Variants in RGS7 observed in about 807,000 individuals in gnomAD.
RGS7 encodes the protein regulator of G protein signaling 7, also known as regulator of G-protein signaling 7.
In RGS7, 27 loss-of-function variants were observed where a neutral mutation model predicts 81.1. The observed-to-expected ratio is 0.33, with a 90% confidence interval of 0.25 to 0.46. The LOEUF (loss-of-function observed/expected upper bound fraction) is 0.46. Among genes scored for constraint, RGS7 ranks in the 20% least tolerant of loss-of-function variants. RGS7 has a pLI of 1.00. For synonymous variants in RGS7, 208 were observed against 207.7 expected (o/e 1.00, Z -0.01); for missense variants, 396 against 607.4 (o/e 0.65, Z 3.66).
intron 3 of RGS7, among the ~76,000 whole-genome samples, chr1:241,040,797 CT>C (rs1280818169): frequency 6.6e-6 from 1 of 152,034 alleles, no homozygotes; most frequent in African/African-American, 2.4e-5. Context: ...GGCTTCTTTA[CT>C]TAAAAACAAA....
intron 2 of RGS7, among the ~76,000 whole-genome samples, chr1:241,205,907 A>G (rs781066970): frequency 1.3e-5 from 2 of 152,200 alleles, no homozygotes; most frequent in Non-Finnish European, 2.9e-5. Context: ...AGACCTATGG[A>G]GAGGTACAAG....
intron 15 of RGS7, among the ~76,000 whole-genome samples, chr1:240,803,994 A>G (rs1187334475): frequency 3.3e-5 from 5 of 152,166 alleles, no homozygotes; most frequent in Non-Finnish European, 7.4e-5. Flanking sequence ...ACTTAGCCCA[A>G]TGGTGATCTT....
At chr1:241,308,041 A>G (rs962880364) in intron 2 of RGS7, among the ~76,000 whole-genome samples, 2 of 152,208 alleles carry the variant, frequency 1.3e-5, no homozygotes, top group African/African-American at 2.4e-5. Context: ...GGATGCAAAC[A>G]GCCTTACCAA....
At chr1:241,090,120 G>T (rs902171696) in intron 3 of RGS7, among the ~76,000 whole-genome samples, 7 of 151,898 alleles carry the variant, frequency 4.6e-5, no homozygotes, top group Non-Finnish European at 1.0e-4. Context: ...TTTGCAATTT[G>T]AAAATAGTAG....
intron 2 of RGS7, among the ~76,000 whole-genome samples, chr1:241,159,454 C>G (rs1488205048): frequency 2.0e-5 from 3 of 152,134 alleles, no homozygotes; most frequent in Non-Finnish European, 2.9e-5. Flanking sequence ...AATGTAGGAA[C>G]TTTCCAAATT....
At chr1:241,126,685 G>GC (rs1314406920) in intron 2 of RGS7, among the ~76,000 whole-genome samples, 1 of 152,118 alleles carries the variant, frequency 6.6e-6, no homozygotes, top group African/African-American at 2.4e-5. Flanking sequence ...CCTACCTCCA[G>GC]CCCCCCATAC....
chr1:241,095,283 C>T (rs966579320), intron 3 of RGS7, among the ~76,000 whole-genome samples: 2 of 152,134 alleles, frequency 1.3e-5, no homozygotes, highest in African/African-American at 4.8e-5. Flanking sequence ...GGTCCAGATA[C>T]TATATTTTCT....
intron 2 of RGS7, among the ~76,000 whole-genome samples, chr1:241,158,150 T>C (rs1355252909): frequency 6.6e-6 from 1 of 152,188 alleles, no homozygotes; most frequent in East Asian, 1.9e-4. Flanking sequence ...GACACAGCCA[T>C]GCTAATTCAT....
chr1:240,937,178 A>G (rs564560128), intron 4 of RGS7, among the ~76,000 whole-genome samples: 3 of 152,268 alleles, frequency 2.0e-5, no homozygotes, highest in South Asian at 4.1e-4. Context: ...ACTCCAGCCA[A>G]TGGGGACAGG....
intron 3 of RGS7, among the ~76,000 whole-genome samples, chr1:241,016,235 C>G (rs1241351533): frequency 6.6e-6 from 1 of 152,094 alleles, no homozygotes; most frequent in Admixed American, 6.6e-5. Context: ...CATAAAAACT[C>G]ATGTCTGGGT....
intron 3 of RGS7, among the ~76,000 whole-genome samples, chr1:241,084,179 GTTAA>G: frequency 6.6e-6 from 1 of 152,262 alleles, no homozygotes; most frequent in East Asian, 1.9e-4. Context: ...TTAAGCCTAC[GTTAA>G]TTAATCATCT....
intron 3 of RGS7, among the ~76,000 whole-genome samples, chr1:241,041,945 T>C (rs1393743379): frequency 1.3e-5 from 2 of 152,122 alleles, no homozygotes; most frequent in Non-Finnish European, 2.9e-5. Flanking sequence ...TAGAGCATCG[T>C]GGGCTGGCTG....
At chr1:240,939,780 T>G (rs1677258781) in intron 4 of RGS7, among the ~76,000 whole-genome samples, 1 of 151,972 alleles carries the variant, frequency 6.6e-6, no homozygotes, top group African/African-American at 2.4e-5. Context: ...GCAATGAACC[T>G]GAATAAAGGG....
chr1:241,009,764 G>T (rs1158209177), intron 3 of RGS7, among the ~76,000 whole-genome samples: 1 of 152,194 alleles, frequency 6.6e-6, no homozygotes, highest in Non-Finnish European at 1.5e-5. Context: ...CAAATTGTTG[G>T]AAGGAGAGTC....
chr1:240,933,186 T>A (rs1675994465), intron 5 of RGS7, among the ~76,000 whole-genome samples: 2 of 151,732 alleles, frequency 1.3e-5, no homozygotes, highest in Admixed American at 1.3e-4. Context: ...CCGGCCGGTG[T>A]TACTTTCTGA....
intron 3 of RGS7, among the ~76,000 whole-genome samples, chr1:241,036,057 A>G (rs1375996538): frequency 6.6e-6 from 1 of 152,214 alleles, no homozygotes; most frequent in Non-Finnish European, 1.5e-5. Flanking sequence ...ACTCCTTACT[A>G]CTAATTGCTC....
intron 6 of RGS7, among the ~76,000 whole-genome samples, chr1:240,883,102 T>C (rs547989122): frequency 4.7e-5 from 7 of 148,940 alleles, no homozygotes; most frequent in African/African-American, 1.5e-4. Flanking sequence ...TAGTATTCCA[T>C]GGTGTGTATG....
intron 2 of RGS7, among the ~76,000 whole-genome samples, chr1:241,323,704 C>T (rs373593717): frequency 6.6e-6 from 1 of 152,166 alleles, no homozygotes; most frequent in African/African-American, 2.4e-5. Context: ...AGAACAGACG[C>T]GAGAGCTGTC....
chr1:241,098,251 C>T (rs1049550156), intron 3 of RGS7, among the ~76,000 whole-genome samples: 54 of 152,288 alleles, frequency 3.5e-4, no homozygotes, highest in Middle Eastern at 3.4e-3. Context: ...CGGTCTTGAG[C>T]GAGTATGGCT....
Sources: allele counts gnomAD v4.1 joint callset (sites outside exome capture counted in the v4.1 genomes callset), GRCh38; gene constraint gnomAD v4.1.1; transcripts MANE v1.5; gene names NCBI Gene and HGNC (gene_info 2026-07-23, HGNC 2026-07-21).